MAST3: variants seen among roughly 807,000 people sequenced by gnomAD.
MAST3 encodes microtubule-associated serine/threonine-protein kinase 3.
A neutral mutation model predicts 127.0 loss-of-function variants in MAST3; 43 were observed. That is an observed-to-expected ratio of 0.34 (90% confidence interval 0.27 to 0.44). MAST3 has a LOEUF of 0.44. Among genes scored for constraint, MAST3 ranks in the 20% least tolerant of loss-of-function variants. MAST3 has a pLI of 1.00. For synonymous variants in MAST3, 785 were observed against 809.2 expected (o/e 0.97, Z 0.51); for missense variants, 1,390 against 1,919.1 (o/e 0.72, Z 5.15).
chr19:18,121,152 A>T (rs1392158308), intron 3 of MAST3, among the ~76,000 whole-genome samples: 13 of 151,742 alleles, frequency 8.6e-5, no homozygotes, highest in African/African-American at 3.1e-4. Context: ...CACTGTGCCC[A>T]GCCTTGTTTT....
intron 26 of MAST3, 32 bp downstream of exon 26, chr19:18,147,076 G>A (rs1174235234): frequency 1.2e-5 from 17 of 1,419,298 alleles, no homozygotes; most frequent in Middle Eastern, 5.2e-4. Context: ...GGGGACTGGG[G>A]TTCTTTTTTT....
chr19:18,139,977 G>A (rs1360487730), intron 20 of MAST3, among the ~76,000 whole-genome samples: 5 of 149,784 alleles, frequency 3.3e-5, no homozygotes, highest in Admixed American at 3.3e-4. Flanking sequence ...CCGCCACCAC[G>A]CCCGGCTAAT....
chr19:18,106,790 T>G (rs2038102942), intron 1 of MAST3, among the ~76,000 whole-genome samples: 1 of 151,104 alleles, frequency 6.6e-6, no homozygotes, highest in African/African-American at 2.4e-5. Flanking sequence ...AGGCTGGTCT[T>G]GAACTCCCGA....
chr19:18,130,548 G>A lies in MAST3; in HGVS notation c.1278G>A (p.Lys426=), dbSNP rs747298917. 1.2e-6 allele frequency: 2 copies of A among 1,612,338 alleles called. No homozygotes were observed. Among genetic ancestry groups the A allele is most frequent in the Non-Finnish European group, 1.7e-6 (2 of 1,179,068 alleles). The change falls in exon 14 of 28, where the codon AAG becomes AAA. Residue 426 remains lysine (K), a synonymous_variant. Coordinates refer to ENST00000687212, the MANE Select transcript of MAST3 (RefSeq NM_001393504.1). ...CACGGCAGCGCTTTGCCATCAAGAAGATCAACAAACAGAACTTGATCCTGC... is the reference window on the plus strand; with the variant it reads ...CACGGCAGCGCTTTGCCATCAAGAAAATCAACAAACAGAACTTGATCCTGC... ...RDTRQRFAIK[K]INKQNLILRN...
At chr19:18,109,600 T>G (rs2038350548) in intron 2 of MAST3, among the ~76,000 whole-genome samples, 1 of 151,632 alleles carries the variant, frequency 6.6e-6, no homozygotes, top group Non-Finnish European at 1.5e-5. Flanking sequence ...GGGTTTGCGC[T>G]GAGAGGGAGG....
chr19:18,134,426 C>T (rs909930915), intron 15 of MAST3, among the ~76,000 whole-genome samples, 153 bp from the exon 16 acceptor site: 2 of 152,162 alleles, frequency 1.3e-5, no homozygotes, highest in African/African-American at 4.8e-5. Context: ...CCTGTAGTTC[C>T]AGCTACTTGG....
intron 1 of MAST3, among the ~76,000 whole-genome samples, chr19:18,100,128 C>CTTTTTTTTTTTTT (rs58879254): frequency 4.9e-5 from 6 of 121,716 alleles, no homozygotes; most frequent in African/African-American, 1.7e-4. Context: ...CTCTCTCTCT[C>CTTTTTTTTTTTTT]TTTTTTTTTT....
At chr19:18,123,811 C>A in intron 8 of MAST3, 128 bp from the exon 9 acceptor site, 1 of 1,060,072 alleles carries the variant, frequency 9.4e-7, no homozygotes, top group Non-Finnish European at 1.3e-6. Context: ...CCTCCTGCAC[C>A]AGCCCTCCCA....
rs563002887 is a variant in MAST3 at position 18,143,807 on chromosome 19, C to T, written c.2384C>T (p.Ser795Leu). Residue 795 changes from serine to leucine, a missense_variant, in exon 22 of 28, where the codon TCG (serine) becomes TTG (leucine). Ser to Leu is a moderately radical substitution (Grantham distance 145). Coordinates refer to ENST00000687212, the MANE Select transcript of MAST3 (RefSeq NM_001393504.1). ...TCTGGATCCTCCTGTCAGTCATCTT[C>T]GTCCCAGCCCGAGCGGGGTCCCAGC... ...TSSGSSCQSS[S>L]SQPERGPSPS... The T allele has an allele frequency of 7.9e-5, 127 of 1,613,808 alleles. No homozygotes were observed. The South Asian group carries it at 1.2e-3, about 15-fold the overall frequency.
intron 11 of MAST3, among the ~76,000 whole-genome samples, chr19:18,126,747 T>C (rs273490): frequency 0.94 from 143,086 of 152,016 alleles, 67,368 homozygotes; most frequent in East Asian, 0.96. Flanking sequence ...CCAGCCTGGG[T>C]GACATAGCAA....
Position 18,131,796 on chromosome 19 carries a change from A to G in MAST3, c.1433-113A>G, listed in dbSNP as rs997861832. ...CCCGCTGAGATAGAACAAACTGGGG[A>G]CCTTTTGCAGGAGGTAAAGCGAGGA... On this transcript the variant is annotated intron_variant, in intron 14 of 27. Transcript: ENST00000687212. The G allele has an allele frequency of 3.5e-5, 42 of 1,183,430 alleles. No homozygotes were observed. The African/African-American group carries it at 5.9e-4, about 17-fold the overall frequency. 73.3% of individuals were successfully genotyped at this position (1,183,430 alleles called of 1,614,324 possible). A position where few individuals can be genotyped will look rare whatever the true frequency, so the allele number is the denominator to read the frequency against.
rs1229071351 is a variant in MAST3 at position 18,144,485 on chromosome 19, C to G, written c.2604C>G (p.Ser868Arg). 2 of 1,578,882 alleles carry G rather than the reference C, an allele frequency of 1.3e-6. No homozygotes were observed. The highest frequency in any genetic ancestry group is 1.7e-6 in the Non-Finnish European group (2 of 1,164,886). The change falls in exon 23 of 28, where the codon AGC becomes AGG. Residue 868 changes from serine to arginine, a missense_variant. By Grantham distance (110) the Ser-to-Arg change is moderately radical. Coordinates refer to ENST00000687212, the MANE Select transcript of MAST3 (RefSeq NM_001393504.1). This position sits in a 1 kb window ranked among gnomAD's most constrained non-coding sequence, Gnocchi z 4.0. Reference sequence around the variant, plus strand: ...CTCTAGCCGACACAGCTGCTCTCAGCCACGCCCGCCTACGGAGCAATAGCA... The same window carrying G: ...CTCTAGCCGACACAGCTGCTCTCAGGCACGCCCGCCTACGGAGCAATAGCA... ...SSLSADTAAL[S>R]HARLRSNSIG...
chr19:18,104,911 A>G (rs2037946585), intron 1 of MAST3, among the ~76,000 whole-genome samples: 4 of 152,204 alleles, frequency 2.6e-5, no homozygotes, highest in Non-Finnish European at 5.9e-5. Flanking sequence ...TGATTAACCC[A>G]GAACCCTCCT....
rs2043375289 is a variant in MAST3 at position 18,149,520 on chromosome 19, CGTG to C, written c.3840_3842del (p.Gly1281del). The C allele has an allele frequency of 7.7e-6, 12 of 1,552,620 alleles. No individual in the cohort carries two copies. Among genetic ancestry groups the C allele is most frequent in the Non-Finnish European group, 9.6e-6 (11 of 1,148,748 alleles). ...GGATGGGGAGGCGGGGCGGCGCACT[CGTG>C]GGCCAGAGGCCGAGCTCGTGGTCAT... On this transcript the variant is annotated inframe_deletion, in exon 28 of 28. Transcript: ENST00000687212. The surrounding 1 kb of genome is among the most constrained non-coding windows in gnomAD (Gnocchi z 5.9).
intron 26 of MAST3, 54 bp downstream of exon 26, chr19:18,147,098 CCTTTTT>C: frequency 8.3e-7 from 1 of 1,199,374 alleles, no homozygotes; most frequent in South Asian, 1.7e-5. Context: ...TTTTCTTTTT[CCTTTTT>C]TTTTTTTTTT....
At chr19:18,102,882 C>T (rs1315848157) in intron 1 of MAST3, among the ~76,000 whole-genome samples, 1 of 152,194 alleles carries the variant, frequency 6.6e-6, no homozygotes. Context: ...CTCTTAATCC[C>T]TCCAGTATGG....
In MAST3 at chr19:18,144,983, C is replaced by G; in HGVS notation, c.2813-20C>G. 1 of 1,275,706 alleles carries G rather than the reference C, an allele frequency of 7.8e-7. No homozygotes were observed. 79.0% of individuals were successfully genotyped at this position (1,275,706 alleles called of 1,614,324 possible). On this transcript the variant is annotated intron_variant, in intron 23 of 27. Coordinates refer to ENST00000687212, the MANE Select transcript of MAST3 (RefSeq NM_001393504.1). The surrounding 1 kb of genome is among the most constrained non-coding windows in gnomAD (Gnocchi z 4.0). ...GAGACCTGTGAGGGAGTGAGTGACC[C>G]CCTCCCTAACCCCCTGCAGATGATG...
chr19:18,127,698 C>T (rs544279805), intron 11 of MAST3, among the ~76,000 whole-genome samples: 10 of 150,860 alleles, frequency 6.6e-5, no homozygotes, highest in Admixed American at 5.3e-4. Context: ...AATAAAAATA[C>T]AAATACAAAA....
intron 25 of MAST3, 123 bp from the exon 26 acceptor site, chr19:18,146,758 T>C (rs993072866): frequency 3.7e-5 from 33 of 887,264 alleles, no homozygotes; most frequent in Non-Finnish European, 5.3e-5. Context: ...GTTGTGTGGA[T>C]GAATGGATGC....
Sources: allele counts gnomAD v4.1 joint callset (sites outside exome capture counted in the v4.1 genomes callset), GRCh38; gene constraint gnomAD v4.1.1; non-coding constraint Gnocchi (gnomAD v3.1); transcripts MANE v1.5; gene names NCBI Gene and HGNC (gene_info 2026-07-23, HGNC 2026-07-21).